CPN1: variants seen among roughly 807,000 people sequenced by gnomAD.
The protein encoded by CPN1 is carboxypeptidase N subunit 1.
A neutral mutation model predicts 46.4 loss-of-function variants in CPN1; 37 were observed. The ratio of observed to expected loss-of-function variants is 0.80; its 90% CI spans 0.61 to 1.05. CPN1 has a LOEUF of 1.05. Ranked by LOEUF, CPN1 falls within the 50% of genes least tolerant of loss-of-function variation. The pLI, the probability that CPN1 is intolerant of heterozygous loss-of-function variation, is 0.00. For synonymous variants in CPN1, 224 were observed against 235.4 expected (o/e 0.95, Z 0.44); for missense variants, 563 against 602.6 (o/e 0.93, Z 0.69).
chr10:100,047,678 CACACAAA>C (rs2041323227), intron 8 of CPN1, among the ~76,000 whole-genome samples: 1 of 152,036 alleles, frequency 6.6e-6, no homozygotes, highest in African/African-American at 2.4e-5. Flanking sequence ...TTGGTATGCT[CACACAAA>C]ACAAAAAAAG....
chr10:100,076,835 A>C (rs1327081382), intron 1 of CPN1, among the ~76,000 whole-genome samples: 1 of 152,160 alleles, frequency 6.6e-6, no homozygotes, highest in Admixed American at 6.5e-5. Context: ...AAGTACAGGA[A>C]AACTAAAATC....
rs1297417152 is a variant in CPN1, at chr10:100,076,049, C to T, written c.282G>A (p.Glu94=). 22 of 1,614,188 alleles carry T rather than the reference C, an allele frequency of 1.4e-5. No homozygotes were observed. The highest frequency in any genetic ancestry group is 1.8e-5 in the Non-Finnish European group (21 of 1,180,042). ...GAAACTCCGACAGCTGCAGCATCAGCTCGCGGCCCAACGCTTCGTTGCCGT... is the reference window on the plus strand; with the variant it reads ...GAAACTCCGACAGCTGCAGCATCAGTTCGCGGCCCAACGCTTCGTTGCCGT... ...NMHGNEALGR[E]LMLQLSEFLC... is the part of the protein sequence containing the mutation. The change falls in exon 2 of 9, where the codon GAG becomes GAA. Residue 94 remains glutamate, a synonymous_variant. Coordinates refer to ENST00000370418, the MANE Select transcript of CPN1 (RefSeq NM_001308.3).
chr10:100,075,055 T>C (rs1226359870), intron 2 of CPN1, among the ~76,000 whole-genome samples: 1 of 152,080 alleles, frequency 6.6e-6, no homozygotes, highest in Non-Finnish European at 1.5e-5. Flanking sequence ...TTTGGGAGGC[T>C]GAGGTGGGTG....
Position 100,076,038 on chromosome 10 carries a change from T to C in CPN1, c.293A>G (p.Gln98Arg). The change falls in exon 2 of 9, where the codon CAG (glutamine) becomes CGG (arginine). Residue 98 changes from glutamine to arginine, a missense_variant. Transcript: ENST00000370418. The stretch of plus-strand genomic sequence containing the variant: ...CTCCTCGCACAGAAACTCCGACAGC[T>C]GCAGCATCAGCTCGCGGCCCAACGC... ...NEALGRELML[Q>R]LSEFLCEEFR... 6.2e-7 allele frequency: 1 copy of C among 1,614,224 alleles called. No individual in the cohort carries two copies.
intron 1 of CPN1, among the ~76,000 whole-genome samples, chr10:100,080,529 AT>A (rs913085497): frequency 2.0e-5 from 3 of 152,008 alleles, no homozygotes; most frequent in South Asian, 4.1e-4. Flanking sequence ...GAGTTTTATT[AT>A]TTTTTTTCCT....
At chr10:100,065,959 T>TG (rs2041452678) in intron 3 of CPN1, among the ~76,000 whole-genome samples, 1 of 151,910 alleles carries the variant, frequency 6.6e-6, no homozygotes, top group African/African-American at 2.4e-5. Flanking sequence ...AGTTTTTTTT[T>TG]TTGTTTTGTT....
intron 5 of CPN1, among the ~76,000 whole-genome samples, chr10:100,058,554 T>G (rs2041398473): frequency 1.3e-5 from 2 of 152,202 alleles, no homozygotes; most frequent in African/African-American, 4.8e-5. Flanking sequence ...GTTATTTACA[T>G]TATAATTTCA....
chr10:100,067,384 G>A (rs1271189803), intron 3 of CPN1, among the ~76,000 whole-genome samples: 2 of 152,126 alleles, frequency 1.3e-5, no homozygotes, highest in Admixed American at 6.6e-5. Context: ...CCAAAGTGCT[G>A]GGATTACAGG....
chr10:100,057,946 T>C (rs1223677175), intron 5 of CPN1, among the ~76,000 whole-genome samples: 2 of 152,172 alleles, frequency 1.3e-5, no homozygotes, highest in East Asian at 3.8e-4. Context: ...AATTAGAATA[T>C]CCATCCTCCC....
At chr10:100,061,013 A>G (rs557754161) in intron 5 of CPN1, among the ~76,000 whole-genome samples, 76 of 150,330 alleles carry the variant, frequency 5.1e-4, no homozygotes, top group African/African-American at 1.8e-3. Context: ...GTTCTTTCTC[A>G]TTTGTGGGAG....
rs766323805 is a variant in CPN1 at position 100,081,541 on chromosome 10, C to T, written c.85G>A (p.Asp29Asn). The change falls in exon 1 of 9, where the codon GAT (aspartate) becomes AAT (asparagine). Residue 29 changes from aspartate to asparagine, a missense_variant. Coordinates refer to ENST00000370418, the MANE Select transcript of CPN1 (RefSeq NM_001308.3). ...TTGTACAGCGTCCGCACAAGATCAT[C>T]ATAGCGGTGGTGGCGAAAGGTCACC... ...APVTFRHHRYDDLVRTLYKVQ... is the reference protein window; with the variant it reads ...APVTFRHHRYNDLVRTLYKVQ... 6.2e-7 allele frequency: 1 copy of T among 1,614,194 alleles called. No individual in the cohort carries two copies. Among genetic ancestry groups the T allele is most frequent in the Admixed American group, 1.7e-5 (1 of 60,012 alleles).
chr10:100,043,432 A>G (rs1371322575), intron 8 of CPN1, among the ~76,000 whole-genome samples: 2 of 151,904 alleles, frequency 1.3e-5, no homozygotes, highest in African/African-American at 4.8e-5. Flanking sequence ...AAAGAAAAAT[A>G]TATCTACACA....
intron 7 of CPN1, among the ~76,000 whole-genome samples, chr10:100,051,558 T>C (rs1589471212): frequency 1.3e-5 from 2 of 152,062 alleles, no homozygotes; most frequent in South Asian, 4.1e-4. Context: ...GATGGAGTCT[T>C]GCTCTGTCGC....
At chr10:100,073,550 C>T (rs2041497735) in intron 2 of CPN1, among the ~76,000 whole-genome samples, 1 of 151,728 alleles carries the variant, frequency 6.6e-6, no homozygotes, top group East Asian at 1.9e-4. Context: ...GTCTCACAGG[C>T]CTAAAAGCAA....
At chr10:100,068,380 A>AT (rs2041466640) in intron 3 of CPN1, among the ~76,000 whole-genome samples, 1 of 151,476 alleles carries the variant, frequency 6.6e-6, no homozygotes, top group African/African-American at 2.4e-5. Context: ...CGCCTGGCTA[A>AT]TTTTTTGTAT....
At chr10:100,072,177 G>T (rs1403465423) in intron 2 of CPN1, among the ~76,000 whole-genome samples, 1 of 151,978 alleles carries the variant, frequency 6.6e-6, no homozygotes, top group Non-Finnish European at 1.5e-5. Flanking sequence ...TTTGTTGTTT[G>T]TTTTTGTTTT....
chr10:100,050,817 G>A (rs1414648824), intron 7 of CPN1, among the ~76,000 whole-genome samples: 2 of 152,134 alleles, frequency 1.3e-5, no homozygotes, highest in African/African-American at 4.8e-5. Context: ...TTTTTGTAGA[G>A]ATGGAGGTCT....
rs185903225 is a variant in CPN1 at position 100,076,273 on chromosome 10, A to G, written c.224-166T>C. 5.6e-4 allele frequency among the ~76,000 whole-genome samples: 86 copies of G among 152,354 alleles called. 1 individual carries two copies. Among genetic ancestry groups the G allele is most frequent in the African/African-American group, 2.0e-3 (85 of 41,576 alleles). ...CCCCTTCCTAACCAATTACAGTTAC[A>G]AAACCTACAAAAATTCATGCCAGGG... On this transcript the variant is annotated intron_variant, in intron 1 of 8. Coordinates refer to ENST00000370418, the MANE Select transcript of CPN1 (RefSeq NM_001308.3).
chr10:100,045,133 C>T (rs1013191522), intron 8 of CPN1, among the ~76,000 whole-genome samples: 1 of 152,134 alleles, frequency 6.6e-6, no homozygotes, highest in African/African-American at 2.4e-5. Context: ...GAAATTGTAT[C>T]CAAATGACAG....
Sources: gnomAD v4.1 joint callset for allele counts (sites outside exome capture counted in the v4.1 genomes callset) on GRCh38, gnomAD v4.1.1 for gene constraint, MANE v1.5 for transcripts, NCBI Gene and HGNC (gene_info 2026-07-23, HGNC 2026-07-21) for gene names.